SPOPL: variants seen among roughly 807,000 people sequenced by gnomAD.
SPOPL encodes speckle type BTB/POZ protein like.
SPOPL carries 23 observed loss-of-function variants against 53.8 expected under a neutral mutation model. The ratio of observed to expected loss-of-function variants is 0.43; its 90% CI spans 0.31 to 0.61. The LOEUF (loss-of-function observed/expected upper bound fraction) is 0.61, where lower values mean the gene tolerates loss of function less well. Ranked by LOEUF, SPOPL falls within the 20% of genes least tolerant of loss-of-function variation. The pLI, the probability that SPOPL is intolerant of heterozygous loss-of-function variation, is 0.12. For missense variants in SPOPL, 442 were observed against 466.9 expected (o/e 0.95, Z 0.49); for synonymous variants, 164 against 149.7 (o/e 1.10, Z -0.70).
chr2:138,524,356 T>C (rs1364169066), intron 1 of SPOPL, among the ~76,000 whole-genome samples: 2 of 152,180 alleles, frequency 1.3e-5, no homozygotes, highest in Non-Finnish European at 2.9e-5. Flanking sequence ...CCTCCAGGCC[T>C]GAGATGGGAG....
chr2:138,534,580 T>C lies in SPOPL; in HGVS notation c.-60-15577T>C, dbSNP rs367744319. Among the ~76,000 whole-genome samples, 19 of 152,290 alleles carry C rather than the reference T, an allele frequency of 1.2e-4. No homozygotes were observed. The South Asian group carries it at 3.7e-3, about 30-fold the overall frequency. ...ATATATGTGCATATGGACTTCTATG[T>C]GCAGGTATTTTTTTTAAATGAGGCA... On this transcript the variant is annotated intron_variant, in intron 1 of 10. Transcript: ENST00000280098.
At chr2:138,558,174 A>G (rs1487777616) in intron 5 of SPOPL, among the ~76,000 whole-genome samples, 1 of 152,152 alleles carries the variant, frequency 6.6e-6, no homozygotes, top group Admixed American at 6.5e-5. Flanking sequence ...AATAAAAAAT[A>G]AATAAATAAA....
rs545341156 is a variant in SPOPL, at chr2:138,532,542, T to G, written c.-60-17615T>G. ...CCCGGGTTCACACCATTCTCCTGCA[T>G]CAGCCTCCCGAGTAGCTGGGACTAC... is the stretch of plus-strand genomic sequence containing the variant. On this transcript the variant is annotated intron_variant, in intron 1 of 10. Transcript: ENST00000280098. 7.6e-5 allele frequency among the ~76,000 whole-genome samples: 11 copies of G among 143,854 alleles called. 1 individual carries two copies. In the South Asian group the frequency reaches 2.7e-3, roughly 35 times the overall value. The allele number at this position is 143,854 out of a possible 152,430, so 94.4% of individuals were successfully genotyped here. A position where few individuals can be genotyped will look rare whatever the true frequency, so the allele number is the denominator to read the frequency against.
chr2:138,547,720 C>G (rs1436767211), intron 1 of SPOPL, among the ~76,000 whole-genome samples: 2 of 151,896 alleles, frequency 1.3e-5, no homozygotes, highest in South Asian at 2.1e-4. Context: ...CAGAGATAAC[C>G]TTTTAATATT....
At chr2:138,552,501 A>T in intron 4 of SPOPL, 53 bp from the exon 5 acceptor site, 3 of 1,560,710 alleles carry the variant, frequency 1.9e-6, no homozygotes, top group Non-Finnish European at 1.7e-6. Context: ...TACCATGTTT[A>T]AAAAGTCTCT....
chr2:138,550,162 G>A lies in SPOPL; in HGVS notation c.-55G>A, dbSNP rs547105848. On this transcript the variant is annotated 5_prime_UTR_variant, in exon 2 of 11. Transcript: ENST00000280098. ...CAAACTTCTTTCCTTTGTAGGTAAG[G>A]TACTCAACTGTGTGGGGTACTACAT... 1.3e-6 allele frequency: 2 copies of A among 1,516,096 alleles called. No homozygotes were observed. The highest frequency in any genetic ancestry group is 2.3e-5 in the South Asian group (2 of 88,028). 93.9% of individuals were successfully genotyped at this position (1,516,096 alleles called of 1,614,324 possible). A position where few individuals can be genotyped will look rare whatever the true frequency, so the allele number is the denominator to read the frequency against.
At chr2:138,552,718 A>G in intron 5 of SPOPL, 37 bp downstream of exon 5, 1 of 1,590,046 alleles carries the variant, frequency 6.3e-7, no homozygotes, top group Non-Finnish European at 8.5e-7. Context: ...CCCATGGTTT[A>G]TTTAGTGATA....
intron 7 of SPOPL, among the ~76,000 whole-genome samples, chr2:138,560,075 G>T (rs1176152742): frequency 6.6e-6 from 1 of 152,150 alleles, no homozygotes; most frequent in Admixed American, 6.5e-5. Context: ...AGAAAAATTT[G>T]CTGTCATTTA....
intron 5 of SPOPL, 123 bp downstream of exon 5, chr2:138,552,804 A>C: frequency 7.7e-6 from 9 of 1,170,946 alleles, no homozygotes; most frequent in Non-Finnish European, 1.1e-5. Context: ...TCATTTGTAA[A>C]TTCTTGACTA....
intron 1 of SPOPL, among the ~76,000 whole-genome samples, chr2:138,515,492 T>TA (rs1684418623): frequency 6.6e-6 from 1 of 152,254 alleles, no homozygotes. Flanking sequence ...TGTGTGTTTT[T>TA]ATGTCTAATT....
Position 138,559,097 on chromosome 2 carries a change from C to T in SPOPL, c.556C>T (p.Leu186=). The T allele has an allele frequency of 6.2e-7, 1 of 1,613,622 alleles. No individual in the cohort carries two copies. The highest frequency in any genetic ancestry group is 1.1e-5 in the South Asian group (1 of 91,034). The change falls in exon 6 of 11, where the codon CTA becomes TTA. Residue 186 remains leucine, a synonymous_variant. Coordinates refer to ENST00000280098, the MANE Select transcript of SPOPL (RefSeq NM_001001664.3). Reference sequence around the variant, plus strand: ...TACTTTGAAGGTGCCTGAGTGTCGTCTAGCAGAAGATTTAGGTAATCTCTG... The same window carrying T: ...TACTTTGAAGGTGCCTGAGTGTCGTTTAGCAGAAGATTTAGGTAATCTCTG... The part of the protein sequence containing the change: ...TNTLKVPECR[L]AEDLGNLWEN...
chr2:138,557,777 A>G (rs1321379618), intron 5 of SPOPL, among the ~76,000 whole-genome samples: 1 of 152,194 alleles, frequency 6.6e-6, no homozygotes, highest in Non-Finnish European at 1.5e-5. Context: ...TTTACTAGTT[A>G]AAGTAGTATT....
chr2:138,549,540 T>C (rs928894898), intron 1 of SPOPL, among the ~76,000 whole-genome samples: 2 of 152,146 alleles, frequency 1.3e-5, no homozygotes, highest in Non-Finnish European at 2.9e-5. Flanking sequence ...CAAGAACAGC[T>C]ACCTGGGAGG....
At chr2:138,540,225 G>T (rs1012170891) in intron 1 of SPOPL, among the ~76,000 whole-genome samples, 5 of 152,182 alleles carry the variant, frequency 3.3e-5, no homozygotes, top group Non-Finnish European at 7.3e-5. Context: ...ACTTGGCAAT[G>T]CAGGCTCTTT....
At position 138,568,924 on chromosome 2, in the gene SPOPL, T is replaced by G; in HGVS notation, c.1035-12T>G. The G allele has an allele frequency of 6.2e-7, 1 of 1,613,334 alleles. No homozygotes were observed. The highest frequency in any genetic ancestry group is 1.1e-5 in the South Asian group (1 of 90,920). On this transcript the variant is annotated splice_polypyrimidine_tract_variant and intron_variant, in intron 10 of 10. Coordinates refer to ENST00000280098, the MANE Select transcript of SPOPL (RefSeq NM_001001664.3). ...TATTCTTTAGTAAATATCTTTTAAT[T>G]CTATTTTTCAGCCAAGCAACCGACA...
intron 10 of SPOPL, among the ~76,000 whole-genome samples, chr2:138,567,240 A>G (rs1210495870): frequency 6.6e-6 from 1 of 152,186 alleles, no homozygotes; most frequent in Non-Finnish European, 1.5e-5. Context: ...TCTAGGAATC[A>G]GAGCACAAAA....
At chr2:138,564,600 C>A in intron 8 of SPOPL, 108 bp from the exon 9 acceptor site, 2 of 1,217,686 alleles carry the variant, frequency 1.6e-6, no homozygotes, top group Non-Finnish European at 2.2e-6. Flanking sequence ...TTAAAATAAT[C>A]TTAAATAATA....
At chr2:138,556,970 C>T (rs1328575405) in intron 5 of SPOPL, among the ~76,000 whole-genome samples, 1 of 152,074 alleles carries the variant, frequency 6.6e-6, no homozygotes, top group Admixed American at 6.6e-5. Context: ...TCCTGGCTAA[C>T]ACGGTGAAAA....
chr2:138,564,783 A>G lies in SPOPL; in HGVS notation c.913A>G (p.Thr305Ala), dbSNP rs1226631199. 8.1e-6 allele frequency: 13 copies of G among 1,614,166 alleles called. No individual in the cohort carries two copies. The highest frequency in any genetic ancestry group is 1.1e-5 in the Non-Finnish European group (13 of 1,180,022). ...SNLSVENVAD[T>A]LVLADLHSAE... is the part of the protein sequence containing the mutation. Reference sequence around the variant, plus strand: ...CCTCTCAGTAGAGAATGTTGCAGATACCCTTGTCCTTGCAGATTTGCACAG... The same window carrying G: ...CCTCTCAGTAGAGAATGTTGCAGATGCCCTTGTCCTTGCAGATTTGCACAG... The change falls in exon 9 of 11, where the codon ACC becomes GCC. Residue 305 changes from threonine to alanine, a missense_variant. Thr to Ala is a moderately conservative substitution (Grantham distance 58). Transcript: ENST00000280098.
Sources: allele counts gnomAD v4.1 joint callset (sites outside exome capture counted in the v4.1 genomes callset), GRCh38; gene constraint gnomAD v4.1.1; transcripts MANE v1.5; gene names NCBI Gene and HGNC (gene_info 2026-07-23, HGNC 2026-07-21).